SSB: variants seen among roughly 807,000 people sequenced by gnomAD.
The protein encoded by SSB is small RNA binding exonuclease protection factor La.
In SSB, 17 loss-of-function variants were observed where a neutral mutation model predicts 52.9. That is an observed-to-expected ratio of 0.32 (90% CI 0.22 to 0.48). The LOEUF is 0.48. SSB is among the 20% of genes least tolerant of loss of function. The pLI, the probability that SSB is intolerant of heterozygous loss-of-function variation, is 0.99. For missense variants in SSB, 314 were observed against 463.6 expected (o/e 0.68, Z 2.96); for synonymous variants, 111 against 152.1 (o/e 0.73, Z 1.99).
chr2:169,810,820 A>C, intron 9 of SSB, 38 bp from the exon 10 acceptor site: 1 of 1,556,774 alleles, frequency 6.4e-7, no homozygotes, highest in Admixed American at 2.2e-5. Flanking sequence ...GGGACTAAAA[A>C]CCAAGGGTAT....
chr2:169,800,534 C>CAAAAAAAAAAA lies in SSB; in HGVS notation c.-9-409_-9-399dup, dbSNP rs59743225. On this transcript the variant is annotated intron_variant, in intron 1 of 11. Transcript: ENST00000260956. ...GGGCAACAAAAGCGAGACTCCGTCT[C>CAAAAAAAAAAA]AAAAAAAAAAAAAAAAAAAGAGGTG... is the stretch of plus-strand genomic sequence containing the variant. 3.8e-3 allele frequency among the ~76,000 whole-genome samples: 301 copies of CAAAAAAAAAAA among 78,200 alleles called. 14 individuals are homozygous for CAAAAAAAAAAA. The highest frequency in any genetic ancestry group is 0.014 in the African/African-American group (240 of 17,668). The allele number at this position is 78,200 out of a possible 152,430, so 51.3% of individuals were successfully genotyped here. A position where few individuals can be genotyped will look rare whatever the true frequency, so the allele number is the denominator to read the frequency against.
At chr2:169,807,446 G>A (rs1263264736) in intron 6 of SSB, among the ~76,000 whole-genome samples, 1 of 151,884 alleles carries the variant, frequency 6.6e-6, no homozygotes, top group Admixed American at 6.6e-5. Context: ...GTGCCACCTC[G>A]TCCACCTAAT....
intron 4 of SSB, 45 bp from the exon 5 acceptor site, chr2:169,806,740 G>A: frequency 7.0e-7 from 1 of 1,436,544 alleles, no homozygotes; most frequent in Non-Finnish European, 9.7e-7. Context: ...GTTTATCTGA[G>A]AAGTCATTAT....
At chr2:169,808,407 C>G (rs923603628) in intron 6 of SSB, 75 bp from the exon 7 acceptor site, 28 of 1,195,736 alleles carry the variant, frequency 2.3e-5, no homozygotes, top group Non-Finnish European at 2.7e-5. Flanking sequence ...TGTGCCATGT[C>G]TTAAGTTATT....
chr2:169,808,781 A>G, intron 7 of SSB, 79 bp from the exon 8 acceptor site: 1 of 1,238,240 alleles, frequency 8.1e-7, no homozygotes. Context: ...TTTAGTGATC[A>G]TGATTGGTTA....
At chr2:169,799,577 C>T (rs1026040928) in intron 1 of SSB, 10 of 152,254 alleles carry the variant, frequency 6.6e-5, no homozygotes, top group African/African-American at 2.4e-4. Context: ...AACGCAGTTC[C>T]AAAATTAGGC....
At chr2:169,809,070 A>G in intron 8 of SSB, 168 bp downstream of exon 8, 1 of 668,876 alleles carries the variant, frequency 1.5e-6, no homozygotes, top group Admixed American at 2.2e-5. Flanking sequence ...AAAACTAAGG[A>G]TAGGAAATAT....
At chr2:169,803,072 T>TCTACCTGAA in intron 2 of SSB, among the ~76,000 whole-genome samples, 1 of 152,214 alleles carries the variant, frequency 6.6e-6, no homozygotes, top group South Asian at 2.1e-4. Flanking sequence ...ACACTGATAA[T>TCTACCTGAA]TGTCAGTTTA....
intron 4 of SSB, chr2:169,806,436 T>C (rs111487218): frequency 8.9e-4 from 154 of 173,948 alleles, no homozygotes; most frequent in African/African-American, 3.5e-3. Context: ...CAGTTTTCTT[T>C]AGTGTATTTT....
At chr2:169,803,326 G>T (rs980966840) in intron 2 of SSB, among the ~76,000 whole-genome samples, 1 of 151,842 alleles carries the variant, frequency 6.6e-6, no homozygotes, top group Non-Finnish European at 1.5e-5. Flanking sequence ...GTGCAGTGGC[G>T]TGATCTTGGC....
chr2:169,807,243 A>G (rs1689848160), intron 6 of SSB, among the ~76,000 whole-genome samples, 172 bp downstream of exon 6: 1 of 152,322 alleles, frequency 6.6e-6, no homozygotes, highest in South Asian at 2.1e-4. Flanking sequence ...TTGAGACTAT[A>G]AGAAAAGTGT....
intron 1 of SSB, chr2:169,799,439 G>C (rs1050687399): frequency 6.6e-6 from 1 of 152,148 alleles, no homozygotes; most frequent in Non-Finnish European, 1.5e-5. Context: ...TTGGGCCGCA[G>C]ATGTACACCA....
intron 2 of SSB, among the ~76,000 whole-genome samples, chr2:169,802,439 CGT>C (rs1386413653): frequency 4.0e-5 from 6 of 149,900 alleles, no homozygotes; most frequent in Non-Finnish European, 8.9e-5. Context: ...TTAAGCTGCA[CGT>C]CTCTGCATTT....
intron 6 of SSB, among the ~76,000 whole-genome samples, chr2:169,807,993 T>C (rs1176924600): frequency 1.3e-5 from 2 of 151,956 alleles, no homozygotes; most frequent in Non-Finnish European, 2.9e-5. Context: ...TCAAAAATTA[T>C]TTAACATGAT....
At chr2:169,800,601 C>T (rs372316973) in intron 1 of SSB, among the ~76,000 whole-genome samples, 4 of 144,806 alleles carry the variant, frequency 2.8e-5, no homozygotes, top group Non-Finnish European at 6.0e-5. Flanking sequence ...TGGTAATATA[C>T]AGATAGATAG....
rs1689814076 is a variant in SSB, at chr2:169,805,668, G to A, written c.174G>A (p.Leu58=). 3 of 1,613,720 alleles carry A rather than the reference G, an allele frequency of 1.9e-6. No homozygotes were observed. ...TGTTTTTATATGTACTCTTCAGGTT[G>A]AACCGTCTAACAACAGACTTTAATG... The part of the protein sequence containing the change: ...PLEIMIKFNR[L]NRLTTDFNVI... Residue 58 remains leucine (L), a synonymous_variant, in exon 4 of 12, where the codon TTG becomes TTA. Coordinates refer to ENST00000260956, the MANE Select transcript of SSB (RefSeq NM_003142.5).
intron 9 of SSB, 180 bp downstream of exon 9, chr2:169,810,603 C>CTTGA: frequency 1.4e-6 from 1 of 692,680 alleles, no homozygotes; most frequent in Non-Finnish European, 2.4e-6. Context: ...TTAGTTTCTA[C>CTTGA]TTGATCATTT....
rs544596002 is a variant in SSB at position 169,809,905 on chromosome 2, T to C, written c.670-378T>C. ...TGCTGGGATTACAGGTGTCAGCCAC[T>C]GCGCCCGGCCTAAAAATTTTTTAAA... On this transcript the variant is annotated intron_variant, in intron 8 of 11. Transcript: ENST00000260956. Among the ~76,000 whole-genome samples, 61 of 152,214 alleles carry C rather than the reference T, an allele frequency of 4.0e-4. 1 individual carries two copies. The highest frequency in any genetic ancestry group is 1.0e-4 in the Non-Finnish European group (7 of 68,016).
intron 6 of SSB, 55 bp from the exon 7 acceptor site, chr2:169,808,427 C>A: frequency 7.3e-7 from 1 of 1,363,010 alleles, no homozygotes; most frequent in South Asian, 1.2e-5. Flanking sequence ...TCAAAATAAT[C>A]TGCAGTCTTA....
Sources: gnomAD v4.1 joint callset for allele counts (sites outside exome capture counted in the v4.1 genomes callset) on GRCh38, gnomAD v4.1.1 for gene constraint, MANE v1.5 for transcripts, NCBI Gene and HGNC (gene_info 2026-07-23, HGNC 2026-07-21) for gene names.